KCND3: variants seen among roughly 807,000 people sequenced by gnomAD.
The protein encoded by KCND3 is potassium voltage-gated channel subfamily D member 3.
In KCND3, 9 loss-of-function variants were observed where a neutral mutation model predicts 51.1. That is an observed-to-expected ratio of 0.18 (90% CI 0.11 to 0.31). The LOEUF (loss-of-function observed/expected upper bound fraction) is 0.31. Ranked by LOEUF, KCND3 falls within the 10% of genes least tolerant of loss-of-function variation. The pLI, the probability that KCND3 is intolerant of heterozygous loss-of-function variation, is 1.00. For missense variants in KCND3, 526 were observed against 903.8 expected, an observed-to-expected ratio of 0.58 and a Z score of 5.36; for synonymous variants, 349 against 368.0, an observed-to-expected ratio of 0.95 and a Z score of 0.59.
chr1:111,798,467 T>C (rs1267257208), intron 2 of KCND3, among the ~76,000 whole-genome samples: 1 of 152,158 alleles, frequency 6.6e-6, no homozygotes, highest in Non-Finnish European at 1.5e-5. Flanking sequence ...AAAATGTCTA[T>C]TTCCCCTATT....
At chr1:111,833,924 G>A (rs1666961340) in intron 2 of KCND3, among the ~76,000 whole-genome samples, 1 of 152,170 alleles carries the variant, frequency 6.6e-6, no homozygotes, top group South Asian at 2.1e-4. Context: ...TTTCAGGAGG[G>A]AGAAGGACTG....
At chr1:111,966,478 C>A (rs7514018) in intron 2 of KCND3, among the ~76,000 whole-genome samples, 3 of 152,046 alleles carry the variant, frequency 2.0e-5, no homozygotes, top group Admixed American at 1.3e-4. Flanking sequence ...TCTGCTTACC[C>A]CCATAACCCA....
intron 2 of KCND3, among the ~76,000 whole-genome samples, chr1:111,937,569 C>A (rs532616062): frequency 1.3e-5 from 2 of 152,172 alleles, no homozygotes; most frequent in African/African-American, 4.8e-5. Context: ...GGGGCTCATG[C>A]CTTTCAGAAC....
Position 111,901,172 on chromosome 1 carries a change from A to C in KCND3, c.1106+80449T>G, listed in dbSNP as rs143362483. ...TGGTTCCCAGAGCTAATATAAAAGC[A>C]GGTAATTAAGGATAAATAGTGACAT... On this transcript the variant is annotated intron_variant, in intron 2 of 7. Coordinates refer to ENST00000302127, the MANE Select transcript of KCND3 (RefSeq NM_001378969.1). Among the ~76,000 whole-genome samples the C allele has an allele frequency of 2.6e-4, 39 of 152,338 alleles. 1 individual carries two copies. The East Asian group carries it at 7.5e-3, about 29-fold the overall frequency.
intron 2 of KCND3, among the ~76,000 whole-genome samples, chr1:111,809,485 T>C (rs1309366050): frequency 6.6e-6 from 1 of 152,082 alleles, no homozygotes; most frequent in African/African-American, 2.4e-5. Context: ...ATTTTTTGTA[T>C]TTTTAGTAGA....
At chr1:111,969,511 C>G (rs547793661) in intron 2 of KCND3, among the ~76,000 whole-genome samples, 1 of 152,328 alleles carries the variant, frequency 6.6e-6, no homozygotes, top group South Asian at 2.1e-4. Context: ...CTCCACTGAT[C>G]AGTGGTAAGC....
At chr1:111,885,239 G>A (rs561004573) in intron 2 of KCND3, among the ~76,000 whole-genome samples, 9 of 152,268 alleles carry the variant, frequency 5.9e-5, no homozygotes, top group Admixed American at 2.0e-4. Flanking sequence ...CTGTGTACCC[G>A]CATGCTGATT....
intron 2 of KCND3, among the ~76,000 whole-genome samples, chr1:111,797,375 C>T (rs1330878362): frequency 6.6e-6 from 1 of 152,196 alleles, no homozygotes; most frequent in African/African-American, 2.4e-5. Context: ...ATTCCCTGCG[C>T]ACTGTCTACT....
At chr1:111,902,554 G>C (rs1470369372) in intron 2 of KCND3, among the ~76,000 whole-genome samples, 2 of 152,148 alleles carry the variant, frequency 1.3e-5, no homozygotes, top group Non-Finnish European at 2.9e-5. Context: ...TAATGGGAGG[G>C]GTTTGTGAAT....
In KCND3 at chr1:111,940,073, G is replaced by GTTTTTT. The variant is rs61088602; in HGVS notation, c.1106+41542_1106+41547dup. On this transcript the variant is annotated intron_variant, in intron 2 of 7. Transcript: ENST00000302127. ...TATATCCTTCGCCTACTTTTTGATGGTTTTTTTTTTTTTTTTTTTTTTTGT... is the reference window on the plus strand; with the variant it reads ...TATATCCTTCGCCTACTTTTTGATGGTTTTTTTTTTTTTTTTTTTTTTTTTTTTTGT... 3.1e-3 allele frequency among the ~76,000 whole-genome samples: 262 copies of GTTTTTT among 85,442 alleles called. 2 individuals carry two copies. The highest frequency in any genetic ancestry group is 6.5e-3 in the African/African-American group (127 of 19,532). 56.1% of individuals were successfully genotyped at this position (85,442 alleles called of 152,430 possible). A position where few individuals can be genotyped will look rare whatever the true frequency, so the allele number is the denominator to read the frequency against.
intron 2 of KCND3, among the ~76,000 whole-genome samples, chr1:111,895,651 C>G (rs1410711467): frequency 6.6e-6 from 1 of 152,228 alleles, no homozygotes; most frequent in South Asian, 2.1e-4. Context: ...CAGGATGAGT[C>G]AGGGGGCTGC....
chr1:111,836,459 T>A (rs1357532777), intron 2 of KCND3, among the ~76,000 whole-genome samples: 2 of 152,134 alleles, frequency 1.3e-5, no homozygotes, highest in African/African-American at 4.8e-5. Context: ...TGTTAAAGAG[T>A]CTGGGATGGG....
chr1:111,857,803 G>T (rs115988211), intron 2 of KCND3, among the ~76,000 whole-genome samples: 2,730 of 151,554 alleles, frequency 0.018, 81 homozygotes, highest in African/African-American at 0.062. Flanking sequence ...TCTTCTAATA[G>T]AATTTTTCTT....
chr1:111,914,836 C>T (rs763376564), intron 2 of KCND3, among the ~76,000 whole-genome samples: 1 of 151,460 alleles, frequency 6.6e-6, no homozygotes. Context: ...ATAAAAAACA[C>T]TGGGAATAGT....
chr1:111,785,401 G>A (rs1664561327), intron 3 of KCND3, among the ~76,000 whole-genome samples: 1 of 152,196 alleles, frequency 6.6e-6, no homozygotes, highest in African/African-American at 2.4e-5. Flanking sequence ...CAGGGAACAG[G>A]AGGTAGGGAA....
At chr1:111,885,798 G>A (rs554867778) in intron 2 of KCND3, among the ~76,000 whole-genome samples, 39 of 152,118 alleles carry the variant, frequency 2.6e-4, no homozygotes, top group African/African-American at 9.2e-4. Flanking sequence ...TCAGCCTCCT[G>A]AGTAGCTGGG....
At chr1:111,856,225 T>G (rs1346546392) in intron 2 of KCND3, among the ~76,000 whole-genome samples, 1 of 152,198 alleles carries the variant, frequency 6.6e-6, no homozygotes, top group African/African-American at 2.4e-5. Context: ...AGGGCATGGA[T>G]GTGGGGTGGG....
intron 2 of KCND3, among the ~76,000 whole-genome samples, chr1:111,891,738 T>C (rs539858318): frequency 3.9e-5 from 6 of 152,338 alleles, no homozygotes; most frequent in African/African-American, 1.4e-4. Flanking sequence ...TTGTTGACAG[T>C]TGTATCTCCA....
chr1:111,930,184 T>C (rs1671898957), intron 2 of KCND3, among the ~76,000 whole-genome samples: 1 of 151,964 alleles, frequency 6.6e-6, no homozygotes, highest in South Asian at 2.1e-4. Context: ...AAGCAGTAAG[T>C]TGTGTTCAAA....
Sources: allele counts gnomAD v4.1 joint callset (sites outside exome capture counted in the v4.1 genomes callset), GRCh38; gene constraint gnomAD v4.1.1; transcripts MANE v1.5; gene names NCBI Gene and HGNC (gene_info 2026-07-23, HGNC 2026-07-21).